ARHGAP26: variants seen among roughly 807,000 people sequenced by gnomAD.
The protein encoded by ARHGAP26 is rho GTPase-activating protein 26.
A neutral mutation model predicts 104.8 loss-of-function variants in ARHGAP26; 38 were observed. That is an observed-to-expected ratio of 0.36 (90% CI 0.28 to 0.48). The LOEUF is 0.48. Among genes scored for constraint, ARHGAP26 ranks in the 20% least tolerant of loss-of-function variants. ARHGAP26 has a pLI of 0.99. For missense variants in ARHGAP26, 704 were observed against 947.9 expected, an observed-to-expected ratio of 0.74 and a Z score of 3.38; for synonymous variants, 341 against 340.0, an observed-to-expected ratio of 1.00 and a Z score of -0.03.
rs1203618151 is a variant in ARHGAP26, at chr5:143,223,500, A to G, written c.*1054A>G. The G allele has an allele frequency of 5.6e-5, 13 of 231,856 alleles. No homozygotes were observed. In the East Asian group the frequency reaches 7.3e-4, roughly 13 times the overall value. 14.4% of individuals were successfully genotyped at this position (231,856 alleles called of 1,614,324 possible). A position where few individuals can be genotyped will look rare whatever the true frequency, so the allele number is the denominator to read the frequency against. The stretch of plus-strand genomic sequence containing the variant: ...ATGCTGCCTCCCAATGGGTGATGCC[A>G]TCTGACTGGTTTCCCCATGTCCTCC... On this transcript the variant is annotated 3_prime_UTR_variant, in exon 23 of 23. Coordinates refer to ENST00000645722, the MANE Select transcript of ARHGAP26 (RefSeq NM_001135608.3).
intron 1 of ARHGAP26, among the ~76,000 whole-genome samples, chr5:142,851,442 C>G (rs1273284834): frequency 1.3e-5 from 2 of 152,224 alleles, no homozygotes; most frequent in Non-Finnish European, 2.9e-5. Flanking sequence ...CAGGCATTAG[C>G]TTGTTAGCAA....
At chr5:143,068,944 C>T (rs751249853) in intron 17 of ARHGAP26, among the ~76,000 whole-genome samples, 2 of 152,180 alleles carry the variant, frequency 1.3e-5, no homozygotes, top group Admixed American at 6.5e-5. Context: ...CAGATTCCCA[C>T]TCTCTCCTCC....
At chr5:142,853,436 C>T (rs1332589063) in intron 1 of ARHGAP26, among the ~76,000 whole-genome samples, 1 of 152,186 alleles carries the variant, frequency 6.6e-6, no homozygotes, top group Non-Finnish European at 1.5e-5. Flanking sequence ...AGTGATCCAC[C>T]TGCCTTGGCC....
At chr5:142,939,949 A>G (rs573640894) in intron 11 of ARHGAP26, among the ~76,000 whole-genome samples, 39 of 152,324 alleles carry the variant, frequency 2.6e-4, no homozygotes, top group Middle Eastern at 3.4e-3. Context: ...TCTGTTTTTA[A>G]ATTACTTGAT....
chr5:143,117,369 C>T (rs1319696870), intron 17 of ARHGAP26, among the ~76,000 whole-genome samples: 3 of 152,170 alleles, frequency 2.0e-5, no homozygotes, highest in Non-Finnish European at 2.9e-5. Context: ...AGGCTGACGT[C>T]TAGGCCTTTC....
At chr5:143,216,147 C>G (rs1309476281) in intron 22 of ARHGAP26, 1 of 471,466 alleles carries the variant, frequency 2.1e-6, no homozygotes, top group Admixed American at 2.3e-5. Context: ...GGAAGAGAAG[C>G]CTGGATGATT....
rs201337868 is a variant in ARHGAP26, at chr5:143,160,474, G to GT, written c.1988+13093_1988+13094insT. On this transcript the variant is annotated intron_variant, in intron 20 of 22. Transcript: ENST00000645722. ...TTACCAAGAAGTTGTTGCTTTTGGT[G>GT]GTTTTTTTTTCTTTCTTTTTTTTTC... Among the ~76,000 whole-genome samples, 576 of 95,424 alleles carry GT rather than the reference G, an allele frequency of 6.0e-3. 4 individuals carry two copies. The highest frequency in any genetic ancestry group is 0.035 in the African/African-American group (528 of 15,122). The allele number at this position is 95,424 out of a possible 152,430, so 62.6% of individuals were successfully genotyped here.
chr5:143,015,754 C>A (rs1161324941), intron 12 of ARHGAP26, among the ~76,000 whole-genome samples: 2 of 152,170 alleles, frequency 1.3e-5, no homozygotes, highest in African/African-American at 4.8e-5. Context: ...GAATGGAGAC[C>A]TCCCCCTACA....
At chr5:143,153,510 A>T (rs555954481) in intron 20 of ARHGAP26, among the ~76,000 whole-genome samples, 1 of 152,350 alleles carries the variant, frequency 6.6e-6, no homozygotes, top group South Asian at 2.1e-4. Context: ...TTAAAGGAGG[A>T]AGTAAACAAA....
intron 11 of ARHGAP26, among the ~76,000 whole-genome samples, chr5:142,952,921 G>A (rs948435677): frequency 4.6e-5 from 7 of 152,072 alleles, no homozygotes; most frequent in Non-Finnish European, 1.0e-4. Context: ...ATCTTGGCCA[G>A]GATGGTCTTG....
chr5:143,166,460 C>T (rs1185665884), intron 20 of ARHGAP26, among the ~76,000 whole-genome samples: 1 of 152,162 alleles, frequency 6.6e-6, no homozygotes, highest in African/African-American at 2.4e-5. Flanking sequence ...CATTTAGCTA[C>T]TTGGTGTGTT....
intron 14 of ARHGAP26, among the ~76,000 whole-genome samples, chr5:143,044,810 A>G (rs1341701176): frequency 2.0e-5 from 3 of 152,162 alleles, no homozygotes; most frequent in Admixed American, 6.5e-5. Flanking sequence ...TGGAGGAGGA[A>G]GTTGGTTGTA....
intron 11 of ARHGAP26, among the ~76,000 whole-genome samples, chr5:143,002,637 C>T (rs1258529554): frequency 6.6e-6 from 1 of 152,234 alleles, no homozygotes; most frequent in Non-Finnish European, 1.5e-5. Flanking sequence ...ATCTACTTAA[C>T]TGTCATGCAC....
intron 1 of ARHGAP26, among the ~76,000 whole-genome samples, chr5:142,780,168 A>T (rs566797587): frequency 6.6e-6 from 1 of 152,208 alleles, no homozygotes; most frequent in African/African-American, 2.4e-5. Flanking sequence ...ATTATTCTAC[A>T]TTGGTACATA....
chr5:142,817,632 C>A (rs559443220), intron 1 of ARHGAP26, among the ~76,000 whole-genome samples: 1 of 152,138 alleles, frequency 6.6e-6, no homozygotes, highest in Non-Finnish European at 1.5e-5. Flanking sequence ...TAATCCCCAT[C>A]CCTGGGTGGC....
At chr5:142,867,466 G>A (rs1754520421) in intron 1 of ARHGAP26, among the ~76,000 whole-genome samples, 1 of 152,132 alleles carries the variant, frequency 6.6e-6, no homozygotes, top group South Asian at 2.1e-4. Flanking sequence ...GGGAAATGGG[G>A]AGTCGTTGGA....
chr5:143,044,699 T>A lies in ARHGAP26; in HGVS notation c.1285+2809T>A, dbSNP rs79615303. Among the ~76,000 whole-genome samples the A allele has an allele frequency of 7.5e-3, 1,141 of 152,252 alleles. 15 individuals are homozygous for A. The highest frequency in any genetic ancestry group is 0.026 in the African/African-American group (1,079 of 41,524). On this transcript the variant is annotated intron_variant, in intron 14 of 22. Transcript: ENST00000645722. ...AAATAATGGCTGCTGTTAGCTTTTT[T>A]AAAAAAGTATATCTAATACAGATGT...
At chr5:143,074,442 T>A (rs1223968494) in intron 17 of ARHGAP26, among the ~76,000 whole-genome samples, 1 of 152,242 alleles carries the variant, frequency 6.6e-6, no homozygotes, top group Non-Finnish European at 1.5e-5. Context: ...GTTGGAACAC[T>A]CCATTGCTGG....
chr5:143,180,059 C>T (rs796497946), intron 20 of ARHGAP26, among the ~76,000 whole-genome samples: 10 of 152,296 alleles, frequency 6.6e-5, no homozygotes, highest in African/African-American at 2.4e-4. Context: ...TCAAAGGAGC[C>T]TCCTTTGAAG....
Sources: allele counts gnomAD v4.1 joint callset (sites outside exome capture counted in the v4.1 genomes callset), GRCh38; gene constraint gnomAD v4.1.1; transcripts MANE v1.5; gene names NCBI Gene and HGNC (gene_info 2026-07-23, HGNC 2026-07-21).